The following APEX1 variants were observed in gnomAD, a reference collection of about 807,000 sequenced individuals.
APEX1 encodes the protein apurinic/apyrimidinic endodeoxyribonuclease 1.
APEX1 carries 32 observed loss-of-function variants against 33.2 expected under a neutral mutation model. The ratio of observed to expected loss-of-function variants is 0.96; its 90% confidence interval spans 0.73 to 1.29. APEX1 has a LOEUF of 1.29. APEX1 is among the 50% of genes most tolerant of loss of function. The probability of loss-of-function intolerance (pLI) is 0.00; values close to 1 mark genes in which losing one functional copy is unlikely to be tolerated. For synonymous variants in APEX1, 175 were observed against 156.6 expected, an observed-to-expected ratio of 1.12 and a Z score of -0.88; for missense variants, 442 against 395.6, an observed-to-expected ratio of 1.12 and a Z score of -0.99.
At chr14:20,456,227 C>A in intron 3 of APEX1, 126 bp downstream of exon 3, 1 of 1,054,216 alleles carries the variant, frequency 9.5e-7, no homozygotes, top group Non-Finnish European at 1.4e-6. Context: ...TTCTGTGGGG[C>A]TTCCCCAGTC....
Position 20,457,117 on chromosome 14 carries a change from A to ATT in APEX1, c.567_568insTT (p.Glu190LeufsTer8). 1 of 1,614,184 alleles carries ATT rather than the reference A, an allele frequency of 6.2e-7. No homozygotes were observed. The highest frequency in any genetic ancestry group is 8.5e-7 in the Non-Finnish European group (1 of 1,180,040). On this transcript the variant is annotated frameshift_variant, in exon 5 of 5. Transcript: ENST00000216714. LOFTEE classifies it high-confidence loss of function. ...CGACTGGAGTACCGGCAGCGCTGGGATGAAGCCTTTCGCAAGTTCCTGAAG... is the reference window on the plus strand; with the variant it reads ...CGACTGGAGTACCGGCAGCGCTGGGATTTGAAGCCTTTCGCAAGTTCCTGAAG...
Position 20,455,229 on chromosome 14 carries a change from C to T in APEX1, c.-234C>T, listed in dbSNP as rs1020366414. The T allele has an allele frequency of 8.6e-5, 31 of 358,388 alleles. No individual in the cohort carries two copies. The highest frequency in any genetic ancestry group is 2.2e-4 in the Admixed American group (5 of 22,246). 22.2% of individuals were successfully genotyped at this position (358,388 alleles called of 1,614,324 possible). On this transcript the variant is annotated 5_prime_UTR_variant, in exon 1 of 5. Transcript: ENST00000216714. ...ACGTGGGGGCTCAGCGTGCACCCTTCTTTGTGCTCGGGTTAGGAGGAGCTA... is the reference window on the plus strand; with the variant it reads ...ACGTGGGGGCTCAGCGTGCACCCTTTTTTGTGCTCGGGTTAGGAGGAGCTA...
At chr14:20,455,433 G>A in intron 1 of APEX1, 39 bp downstream of exon 1, 1 of 711,106 alleles carries the variant, frequency 1.4e-6, no homozygotes, top group Non-Finnish European at 2.4e-6. Context: ...TCGTGGGTGA[G>A]GGGCTGAAGG....
Position 20,457,261 on chromosome 14 carries a change from G to A in APEX1, c.710G>A (p.Arg237His), listed in dbSNP as rs189916038. The change falls in exon 5 of 5, where the codon CGC becomes CAC. Residue 237 changes from arginine to histidine, a missense_variant. Coordinates refer to ENST00000216714, the MANE Select transcript of APEX1 (RefSeq NM_001641.4). ...AATGCTGGCTTCACGCCACAAGAGC[G>A]CCAAGGCTTCGGGGAATTACTGCAG... is the stretch of plus-strand genomic sequence containing the variant. ...KKNAGFTPQE[R>H]QGFGELLQAV... 1.2e-6 allele frequency: 2 copies of A among 1,614,228 alleles called. No homozygotes were observed. The highest frequency in any genetic ancestry group is 8.5e-7 in the Non-Finnish European group (1 of 1,180,050).
Position 20,455,612 on chromosome 14 carries a change from G to C in APEX1, c.-34G>C. The C allele has an allele frequency of 3.1e-6, 5 of 1,612,608 alleles. No homozygotes were observed. The highest frequency in any genetic ancestry group is 4.2e-6 in the Non-Finnish European group (5 of 1,180,030). On this transcript the variant is annotated 5_prime_UTR_variant, in exon 2 of 5. Transcript: ENST00000216714. Reference sequence around the variant, plus strand: ...TAAAAATATTGCTTCGGTGGGTGACGCGGTACAGCTGCCCAAGGGCGTTCG... The same window carrying C: ...TAAAAATATTGCTTCGGTGGGTGACCCGGTACAGCTGCCCAAGGGCGTTCG...
rs761765372 is a variant in APEX1, at chr14:20,455,746, G to C, written c.58+43G>C. ...GCCCTTCTTCCTAGAAGCTGCGGCG[G>C]GGGTGTTTGTCATTCCCTTGATGTA... On this transcript the variant is annotated intron_variant, in intron 2 of 4. Coordinates refer to ENST00000216714, the MANE Select transcript of APEX1 (RefSeq NM_001641.4). 12 of 1,614,170 alleles carry C rather than the reference G, an allele frequency of 7.4e-6. No homozygotes were observed. In the African/African-American group the frequency reaches 9.3e-5, roughly 13 times the overall value.
At position 20,455,678 on chromosome 14, in the gene APEX1, G is replaced by A. The variant is rs1566512398; in HGVS notation, c.33G>A (p.Ala11=). ...AGCGTGGGAAAAAGGGAGCGGTGGC[G>A]GAAGACGGGGATGAGCTCAGGACAG... is the stretch of plus-strand genomic sequence containing the variant. The part of the protein sequence containing the change: MPKRGKKGAV[A]EDGDELRTEP... Residue 11 remains alanine (A), a synonymous_variant, in exon 2 of 5, where the codon GCG becomes GCA. Coordinates refer to ENST00000216714, the MANE Select transcript of APEX1 (RefSeq NM_001641.4). 3 of 1,614,098 alleles carry A rather than the reference G, an allele frequency of 1.9e-6. No individual in the cohort carries two copies. Among genetic ancestry groups the A allele is most frequent in the East Asian group, 2.2e-5 (1 of 44,892 alleles).
Position 20,457,500 on chromosome 14 carries a change from G to A in APEX1, c.949G>A (p.Ala317Thr), listed in dbSNP as rs777188321. 6.2e-7 allele frequency: 1 copy of A among 1,613,828 alleles called. No individual in the cohort carries two copies. The highest frequency in any genetic ancestry group is 8.5e-7 in the Non-Finnish European group (1 of 1,180,018). ...SDHCPITLYL[A>T]L is the part of the protein sequence containing the mutation. ...TCACTGTCCTATCACCCTATACCTA[G>A]CACTGTGACACCACCCCTAAATCAC... The change falls in exon 5 of 5, where the codon GCA becomes ACA. Residue 317 changes from alanine to threonine, a missense_variant. Coordinates refer to ENST00000216714, the MANE Select transcript of APEX1 (RefSeq NM_001641.4).
intron 4 of APEX1, 37 bp from the exon 5 acceptor site, chr14:20,456,954 T>C (rs1205751312): frequency 6.2e-7 from 1 of 1,607,970 alleles, no homozygotes; most frequent in Non-Finnish European, 8.5e-7. Flanking sequence ...TCCCTTTTCT[T>C]ATAGTTTTTT....
chr14:20,457,259 G>A lies in APEX1; in HGVS notation c.708G>A (p.Glu236=), dbSNP rs760052625. The part of the protein sequence containing the change: ...NKKNAGFTPQ[E]RQGFGELLQA... ...AGAATGCTGGCTTCACGCCACAAGAGCGCCAAGGCTTCGGGGAATTACTGC... is the reference window on the plus strand; with the variant it reads ...AGAATGCTGGCTTCACGCCACAAGAACGCCAAGGCTTCGGGGAATTACTGC... Residue 236 remains glutamate (E), a synonymous_variant, in exon 5 of 5, where the codon GAG becomes GAA. Coordinates refer to ENST00000216714, the MANE Select transcript of APEX1 (RefSeq NM_001641.4). The A allele has an allele frequency of 1.9e-6, 3 of 1,614,254 alleles. No individual in the cohort carries two copies. Among genetic ancestry groups the A allele is most frequent in the Non-Finnish European group, 2.5e-6 (3 of 1,180,050 alleles).
At position 20,457,231 on chromosome 14, in the gene APEX1, A is replaced by G. The variant is rs776694507; in HGVS notation, c.680A>G (p.Lys227Arg). Reference protein sequence around the residue: ...EIDLRNPKGNKKNAGFTPQER... With the variant: ...EIDLRNPKGNRKNAGFTPQER... The stretch of plus-strand genomic sequence containing the variant: ...GACCTTCGCAACCCCAAGGGGAACA[A>G]AAAGAATGCTGGCTTCACGCCACAA... Residue 227 changes from lysine to arginine, a missense_variant, in exon 5 of 5, where the codon AAA becomes AGA. Physicochemically the swap from Lys to Arg is conservative, Grantham distance 26. Coordinates refer to ENST00000216714, the MANE Select transcript of APEX1 (RefSeq NM_001641.4). 7 of 1,614,218 alleles carry G rather than the reference A, an allele frequency of 4.3e-6. No individual in the cohort carries two copies. The highest frequency in any genetic ancestry group is 5.9e-6 in the Non-Finnish European group (7 of 1,180,028).
rs140332883 is a variant in APEX1, at chr14:20,456,724, G to A, written c.303G>A (p.Glu101=). The A allele has an allele frequency of 1.0e-4, 165 of 1,614,210 alleles. 1 individual carries two copies. The African/African-American group carries it at 2.0e-3, about 19-fold the overall frequency. ...GCCTTCAAGAGACCAAATGTTCAGA[G>A]AACAAACTACCAGCTGAACTTCAGG... ...ILCLQETKCS[E]NKLPAELQEL... Residue 101 remains glutamate, a synonymous_variant, in exon 4 of 5, where the codon GAG becomes GAA. Transcript: ENST00000216714.
Position 20,457,545 on chromosome 14 carries a change from C to T in APEX1, c.*37C>T, listed in dbSNP as rs1278129567. 14 of 1,603,024 alleles carry T rather than the reference C, an allele frequency of 8.7e-6. No homozygotes were observed. The highest frequency in any genetic ancestry group is 1.2e-5 in the Non-Finnish European group (14 of 1,173,232). ...AATCACTTTGAGCCTGGGAAATAAG[C>T]CCCCTCAACTACCATTCCTTCTTTA... On this transcript the variant is annotated 3_prime_UTR_variant, in exon 5 of 5. Transcript: ENST00000216714.
chr14:20,457,184 C>A lies in APEX1; in HGVS notation c.633C>A (p.Leu211=), dbSNP rs200864827. ...SRKPLVLCGD[L]NVAHEEIDLR... ...AGCCCCTTGTGCTGTGTGGAGACCT[C>A]AATGTGGCACATGAAGAAATTGACC... Residue 211 remains leucine, a synonymous_variant, in exon 5 of 5, where the codon CTC becomes CTA. Coordinates refer to ENST00000216714, the MANE Select transcript of APEX1 (RefSeq NM_001641.4). 4.4e-5 allele frequency: 71 copies of A among 1,614,032 alleles called. No individual in the cohort carries two copies. The highest frequency in any genetic ancestry group is 5.3e-5 in the Non-Finnish European group (62 of 1,180,044).
rs765234188 is a variant in APEX1 at position 20,457,104 on chromosome 14, C to T, written c.553C>T (p.Arg185Trp). 7.4e-6 allele frequency: 12 copies of T among 1,614,042 alleles called. No homozygotes were observed. Among genetic ancestry groups the T allele is most frequent in the East Asian group, 4.5e-5 (2 of 44,900 alleles). The change falls in exon 5 of 5, where the codon CGG (arginine) becomes TGG (tryptophan). Residue 185 changes from arginine to tryptophan, a missense_variant. Physicochemically the swap from Arg to Trp is moderately radical, Grantham distance 101. Coordinates refer to ENST00000216714, the MANE Select transcript of APEX1 (RefSeq NM_001641.4). ...AGRGLVRLEYRQRWDEAFRKF... is the reference protein window; with the variant it reads ...AGRGLVRLEYWQRWDEAFRKF... Reference sequence around the variant, plus strand: ...CCGAGGTCTGGTACGACTGGAGTACCGGCAGCGCTGGGATGAAGCCTTTCG... The same window carrying T: ...CCGAGGTCTGGTACGACTGGAGTACTGGCAGCGCTGGGATGAAGCCTTTCG...
Position 20,457,098 on chromosome 14 carries a change from G to T in APEX1, c.547G>T (p.Glu183Ter). The T allele has an allele frequency of 6.2e-7, 1 of 1,614,222 alleles. No homozygotes were observed. The highest frequency in any genetic ancestry group is 8.5e-7 in the Non-Finnish European group (1 of 1,180,040). ...PNAGRGLVRL[E>*]YRQRWDEAFR... is the part of the protein sequence containing the mutation. ...TGCAGGCCGAGGTCTGGTACGACTG[G>T]AGTACCGGCAGCGCTGGGATGAAGC... Residue 183 changes from glutamate to a stop codon, truncating the protein, a stop_gained, in exon 5 of 5, where the codon GAG becomes TAG. Transcript: ENST00000216714. LOFTEE classifies it high-confidence loss of function.
chr14:20,457,693 TA>T lies in APEX1; in HGVS notation c.*194del, dbSNP rs1034713911. 60 of 777,394 alleles carry T rather than the reference TA, an allele frequency of 7.7e-5. No individual in the cohort carries two copies. The highest frequency in any genetic ancestry group is 1.1e-4 in the East Asian group (4 of 36,858). 48.2% of individuals were successfully genotyped at this position (777,394 alleles called of 1,614,324 possible). On this transcript the variant is annotated 3_prime_UTR_variant, in exon 5 of 5. Transcript: ENST00000216714. The stretch of plus-strand genomic sequence containing the variant: ...TTTTATTTGAGGGTTTTTTGTTTTT[TA>T]AAAAAAAATTGAACAAAGACTACTA...
At position 20,455,247 on chromosome 14, in the gene APEX1, A is replaced by G. The variant is rs1881257738; in HGVS notation, c.-216A>G. The G allele has an allele frequency of 2.6e-6, 1 of 377,622 alleles. No homozygotes were observed. 23.4% of individuals were successfully genotyped at this position (377,622 alleles called of 1,614,324 possible). On this transcript the variant is annotated 5_prime_UTR_variant, in exon 1 of 5. Coordinates refer to ENST00000216714, the MANE Select transcript of APEX1 (RefSeq NM_001641.4). ...CACCCTTCTTTGTGCTCGGGTTAGG[A>G]GGAGCTAGGCTGCCATCGGGCCGGT...
Position 20,455,639 on chromosome 14 carries a change from A to G in APEX1, c.-7A>G, listed in dbSNP as rs750669164. 6.2e-7 allele frequency: 1 copy of G among 1,613,416 alleles called. No homozygotes were observed. The highest frequency in any genetic ancestry group is 8.5e-7 in the Non-Finnish European group (1 of 1,180,034). On this transcript the variant is annotated 5_prime_UTR_variant, in exon 2 of 5. Transcript: ENST00000216714. ...GGTACAGCTGCCCAAGGGCGTTCGT[A>G]ACGGGAATGCCGAAGCGTGGGAAAA...
Sources: gnomAD v4.1 joint callset for allele counts on GRCh38, gnomAD v4.1.1 for gene constraint, MANE v1.5 for transcripts, NCBI Gene and HGNC (gene_info 2026-07-23, HGNC 2026-07-21) for gene names.